The following C2orf76 variants were observed in gnomAD, a reference collection of about 807,000 sequenced individuals.
C2orf76 encodes chromosome 2 open reading frame 76.
In C2orf76, 23 loss-of-function variants were observed where a neutral mutation model predicts 16.9. That is an observed-to-expected ratio of 1.36 (90% confidence interval 0.98 to 1.93). The LOEUF (loss-of-function observed/expected upper bound fraction) is 1.93. Ranked by LOEUF, C2orf76 falls within the 30% of genes most tolerant of loss-of-function variation. The pLI is 0.00. For missense variants in C2orf76, 152 were observed against 152.6 expected, an observed-to-expected ratio of 1.00 and a Z score of 0.02; for synonymous variants, 48 against 52.3, an observed-to-expected ratio of 0.92 and a Z score of 0.35.
In C2orf76 at chr2:119,346,416, C is replaced by A. The variant is rs527748589; in HGVS notation, c.-12-6445G>T. ...GCCCTTTAACATATGAATGGTCAGG[C>A]AAACTGCAGTATATCCATATCATGA... On this transcript the variant is annotated intron_variant, in intron 1 of 5. Coordinates refer to ENST00000334816, the MANE Select transcript of C2orf76 (RefSeq NM_001322331.2). Among the ~76,000 whole-genome samples, 6 of 152,152 alleles carry A rather than the reference C, an allele frequency of 3.9e-5. No homozygotes were observed. The South Asian group carries it at 1.2e-3, about 32-fold the overall frequency.
intron 2 of C2orf76, among the ~76,000 whole-genome samples, chr2:119,331,615 C>G (rs1679679381): frequency 6.6e-6 from 1 of 152,198 alleles, no homozygotes; most frequent in Admixed American, 6.5e-5. Flanking sequence ...AGCTCTGACT[C>G]CTAAACTCAT....
chr2:119,350,030 C>T (rs1483642230), intron 1 of C2orf76, among the ~76,000 whole-genome samples: 1 of 143,234 alleles, frequency 7.0e-6, no homozygotes, highest in Non-Finnish European at 1.5e-5. Flanking sequence ...TCCCAAAGCA[C>T]AGGATTACAG....
chr2:119,331,848 C>G (rs924257056), intron 2 of C2orf76, among the ~76,000 whole-genome samples: 1 of 152,186 alleles, frequency 6.6e-6, no homozygotes, highest in African/African-American at 2.4e-5. Context: ...CTATTATATT[C>G]TGAAAATTAT....
chr2:119,289,192 G>C, the C2orf76 span, among the ~76,000 whole-genome samples: 2 of 151,974 alleles, frequency 1.3e-5, no homozygotes, highest in Admixed American at 6.6e-5. Context: ...TAGCAAACAC[G>C]GGGGCCTTAA....
chr2:119,297,074 G>A, the C2orf76 span, among the ~76,000 whole-genome samples: 2 of 152,174 alleles, frequency 1.3e-5, no homozygotes, highest in Admixed American at 1.3e-4. Context: ...CTCACAATAA[G>A]TACCCGAAGA....
intron 1 of C2orf76, among the ~76,000 whole-genome samples, chr2:119,359,964 G>T (rs552603018): frequency 1.3e-5 from 2 of 152,194 alleles, no homozygotes; most frequent in Non-Finnish European, 2.9e-5. Context: ...TCATGTTACA[G>T]AGAAGTCTTT....
chr2:119,317,896 A>G (rs1445347584), intron 3 of C2orf76, among the ~76,000 whole-genome samples: 3 of 152,204 alleles, frequency 2.0e-5, no homozygotes, highest in Non-Finnish European at 4.4e-5. Context: ...AATGCAGTTC[A>G]AAAAAATCTA....
chr2:119,348,380 T>A (rs964114613), intron 1 of C2orf76, among the ~76,000 whole-genome samples: 1 of 152,210 alleles, frequency 6.6e-6, no homozygotes, highest in African/African-American at 2.4e-5. Context: ...GGCCATGACA[T>A]ACCAGTGAGT....
Position 119,366,823 on chromosome 2 carries a change from GT to G in C2orf76, c.-47del. On this transcript the variant is annotated 5_prime_UTR_variant, in exon 1 of 6. Transcript: ENST00000334816. ...GGCGTCCCCTTCGGCTACTCCCGGCGTTTGCGCAAGCGGTCCCACGTGGGCT... is the reference window on the plus strand; with the variant it reads ...GGCGTCCCCTTCGGCTACTCCCGGCGTTGCGCAAGCGGTCCCACGTGGGCT... The G allele has an allele frequency of 1.7e-6, 1 of 594,234 alleles. No individual in the cohort carries two copies. The allele number at this position is 594,234 out of a possible 1,614,324, so 36.8% of individuals were successfully genotyped here.
intron 1 of C2orf76, chr2:119,366,409 C>T (rs1223527450): frequency 6.4e-6 from 3 of 471,264 alleles, no homozygotes; most frequent in Non-Finnish European, 4.4e-6. Context: ...CCTGACACTA[C>T]GGCCACAAGC....
intron 5 of C2orf76, among the ~76,000 whole-genome samples, chr2:119,305,559 G>A (rs996116709): frequency 1.3e-5 from 2 of 152,124 alleles, no homozygotes; most frequent in African/African-American, 2.4e-5. Context: ...TGAGACACAC[G>A]CACTGATTTT....
rs752843088 is a variant in C2orf76, at chr2:119,321,234, A to G, written c.134-30T>C. On this transcript the variant is annotated intron_variant, in intron 2 of 5. Transcript: ENST00000334816. ...AAGAGAAAGATTATTTTTTTACACA[A>G]TAAGCAAATAGACACTCATAGAATA... 24 of 1,177,434 alleles carry G rather than the reference A, an allele frequency of 2.0e-5. No homozygotes were observed. In the African/African-American group the frequency reaches 3.6e-4, roughly 18 times the overall value. 72.9% of individuals were successfully genotyped at this position (1,177,434 alleles called of 1,614,324 possible). A position where few individuals can be genotyped will look rare whatever the true frequency, so the allele number is the denominator to read the frequency against.
intron 1 of C2orf76, among the ~76,000 whole-genome samples, chr2:119,356,641 A>G (rs540018068): frequency 6.6e-6 from 1 of 152,050 alleles, no homozygotes; most frequent in East Asian, 1.9e-4. Flanking sequence ...AAGGAAAGAA[A>G]TAATAATGAG....
intron 3 of C2orf76, among the ~76,000 whole-genome samples, chr2:119,317,891 A>G (rs1181117501): frequency 1.3e-5 from 2 of 152,184 alleles, no homozygotes; most frequent in Non-Finnish European, 2.9e-5. Flanking sequence ...TAGCAAATGC[A>G]GTTCAAAAAA....
the C2orf76 span, among the ~76,000 whole-genome samples, chr2:119,297,121 CGTAA>C: frequency 6.6e-6 from 1 of 152,172 alleles, no homozygotes; most frequent in South Asian, 2.1e-4. Context: ...AGGCTCTGTC[CGTAA>C]GTGCCTTGTA....
At chr2:119,303,093 T>C (rs1337551520) in intron 5 of C2orf76, among the ~76,000 whole-genome samples, 1 of 152,218 alleles carries the variant, frequency 6.6e-6, no homozygotes, top group Admixed American at 6.5e-5. Flanking sequence ...CTGCTTATGA[T>C]TAATTCATGC....
intron 1 of C2orf76, among the ~76,000 whole-genome samples, chr2:119,364,025 TAG>T (rs35180651): frequency 1.4e-4 from 20 of 143,836 alleles, no homozygotes; most frequent in South Asian, 2.3e-4. Context: ...CTCAAAAAAA[TAG>T]AGAGAGAGAG....
chr2:119,304,706 A>G (rs1678722792), intron 5 of C2orf76, among the ~76,000 whole-genome samples: 3 of 152,246 alleles, frequency 2.0e-5, no homozygotes, highest in African/African-American at 7.2e-5. Context: ...CAAACATTCA[A>G]AAGTAAAACA....
chr2:119,333,664 C>T (rs1213310861), intron 2 of C2orf76, among the ~76,000 whole-genome samples: 1 of 152,228 alleles, frequency 6.6e-6, no homozygotes, highest in African/African-American at 2.4e-5. Context: ...ACTACTAAAT[C>T]ACAAAAGTGG....
Sources: allele counts gnomAD v4.1 joint callset (sites outside exome capture counted in the v4.1 genomes callset), GRCh38; gene constraint gnomAD v4.1.1; transcripts MANE v1.5; gene names NCBI Gene and HGNC (gene_info 2026-07-23, HGNC 2026-07-21).